Variants in DDX21 observed in about 807,000 individuals in gnomAD.
DDX21 encodes DExD-box helicase 21, also known as nucleolar RNA helicase 2.
Under a neutral mutation model 90.0 loss-of-function variants are expected in DDX21, and 18 were observed. The observed-to-expected ratio is 0.20, with a 90% CI of 0.14 to 0.30. The LOEUF is 0.30. Ranked by LOEUF, DDX21 falls within the 10% of genes least tolerant of loss-of-function variation. The pLI is 1.00. For missense variants in DDX21, 673 were observed against 944.5 expected (o/e 0.71, Z 3.77); for synonymous variants, 294 against 318.0 (o/e 0.92, Z 0.80).
chr10:68,958,724 A>G (rs1157456219), intron 1 of DDX21, among the ~76,000 whole-genome samples: 1 of 152,166 alleles, frequency 6.6e-6, no homozygotes, highest in Non-Finnish European at 1.5e-5. Flanking sequence ...GGCATGAGCC[A>G]CCGCGCCCAG....
intron 10 of DDX21, 44 bp from the exon 11 acceptor site, chr10:68,974,626 A>G: frequency 3.9e-6 from 6 of 1,534,028 alleles, no homozygotes; most frequent in Admixed American, 1.7e-5. Flanking sequence ...ATTGGAAACA[A>G]TTGATGGCCA....
At chr10:68,964,932 C>T (rs906981290) in intron 4 of DDX21, among the ~76,000 whole-genome samples, 2 of 152,122 alleles carry the variant, frequency 1.3e-5, no homozygotes, top group Non-Finnish European at 2.9e-5. Context: ...TGAGCCATTG[C>T]GCCTGGCCAG....
At chr10:68,968,856 C>T in intron 6 of DDX21, 120 bp from the exon 7 acceptor site, 1 of 1,156,880 alleles carries the variant, frequency 8.6e-7, no homozygotes. Flanking sequence ...CAGTGCCCGA[C>T]TTGGCCTCAG....
intron 7 of DDX21, 103 bp from the exon 8 acceptor site, chr10:68,970,098 C>T: frequency 8.7e-7 from 1 of 1,147,046 alleles, no homozygotes; most frequent in South Asian, 1.7e-5. Flanking sequence ...TTTCCAGGAG[C>T]AAGACATTAG....
intron 3 of DDX21, among the ~76,000 whole-genome samples, chr10:68,962,447 C>G (rs947863293): frequency 1.3e-4 from 20 of 152,070 alleles, no homozygotes; most frequent in African/African-American, 4.8e-4. Flanking sequence ...GAACCTGTCC[C>G]GACAAAAAGT....
At chr10:68,965,555 G>T (rs1011614011) in intron 5 of DDX21, 61 bp downstream of exon 5, 2 of 1,255,278 alleles carry the variant, frequency 1.6e-6, no homozygotes, top group Non-Finnish European at 2.3e-6. Flanking sequence ...GCTCTGATTG[G>T]ATTTCTTTTC....
At chr10:68,959,609 G>A (rs1842846321) in intron 1 of DDX21, among the ~76,000 whole-genome samples, 197 bp from the exon 2 acceptor site, 1 of 152,182 alleles carries the variant, frequency 6.6e-6, no homozygotes, top group Admixed American at 6.5e-5. Flanking sequence ...TATATATATA[G>A]CTAAGAAGCG....
At chr10:68,961,501 T>G (rs1393551581) in intron 2 of DDX21, among the ~76,000 whole-genome samples, 1 of 152,230 alleles carries the variant, frequency 6.6e-6, no homozygotes, top group Non-Finnish European at 1.5e-5. Flanking sequence ...TTAATCAGAT[T>G]AGGATTGTAC....
At chr10:68,959,717 T>C in intron 1 of DDX21, 89 bp from the exon 2 acceptor site, 1 of 1,007,934 alleles carries the variant, frequency 9.9e-7, no homozygotes, top group Non-Finnish European at 1.4e-6. Context: ...AAGTTGAAAA[T>C]GATCTTGAAA....
chr10:68,970,879 C>T (rs1262112769), intron 8 of DDX21, among the ~76,000 whole-genome samples: 3 of 151,516 alleles, frequency 2.0e-5, no homozygotes, highest in Non-Finnish European at 2.9e-5. Context: ...TCTCGAACTC[C>T]TGACCTCAAG....
At position 68,983,532 on chromosome 10, in the gene DDX21, A is replaced by G. The variant is rs1400019011; in HGVS notation, c.*720A>G. 1 of 152,106 alleles carries G rather than the reference A, an allele frequency of 6.6e-6. No individual in the cohort carries two copies. Among genetic ancestry groups the G allele is most frequent in the African/African-American group, 2.4e-5 (1 of 41,416 alleles). The allele number at this position is 152,106 out of a possible 1,614,324, so 9.4% of individuals were successfully genotyped here. On this transcript the variant is annotated 3_prime_UTR_variant, in exon 15 of 15. Coordinates refer to ENST00000354185, the MANE Select transcript of DDX21 (RefSeq NM_004728.4). The stretch of plus-strand genomic sequence containing the variant: ...TTAATAGAAAGCCAGGGTTTTAAGG[A>G]ATTTCACATGTATAAGGTGGCTCCA...
intron 7 of DDX21, 22 bp from the exon 8 acceptor site, chr10:68,970,179 G>GT (rs1589286214): frequency 1.9e-5 from 30 of 1,591,962 alleles, no homozygotes; most frequent in South Asian, 1.7e-4. Flanking sequence ...CTAAATAGAT[G>GT]TTTTTTTTCT....
intron 1 of DDX21, among the ~76,000 whole-genome samples, chr10:68,959,107 T>C (rs190758271): frequency 6.6e-6 from 1 of 152,322 alleles, no homozygotes; most frequent in Admixed American, 6.5e-5. Context: ...GTAGATACAT[T>C]TGCCTTATTC....
At chr10:68,961,802 T>G (rs1369481327) in intron 2 of DDX21, among the ~76,000 whole-genome samples, 1 of 152,226 alleles carries the variant, frequency 6.6e-6, no homozygotes, top group African/African-American at 2.4e-5. Flanking sequence ...TGAGATCTAG[T>G]CACACATAAT....
chr10:68,977,743 A>C, intron 12 of DDX21, 55 bp downstream of exon 12: 1 of 1,498,812 alleles, frequency 6.7e-7, no homozygotes, highest in East Asian at 2.3e-5. Flanking sequence ...TGAGCAGGAT[A>C]TGAAAGGGTT....
chr10:68,963,685 C>T (rs1245643066), intron 4 of DDX21, among the ~76,000 whole-genome samples: 1 of 151,918 alleles, frequency 6.6e-6, no homozygotes, highest in African/African-American at 2.4e-5. Context: ...TAATCTTTCC[C>T]ACAGTTTTGA....
intron 11 of DDX21, among the ~76,000 whole-genome samples, chr10:68,975,142 G>T (rs998909106): frequency 1.3e-5 from 2 of 152,172 alleles, no homozygotes; most frequent in African/African-American, 4.8e-5. Context: ...AATATCTTAG[G>T]TATAGTATAG....
chr10:68,967,005 T>C lies in DDX21; in HGVS notation c.905-13T>C. 2 of 1,601,844 alleles carry C rather than the reference T, an allele frequency of 1.2e-6. No individual in the cohort carries two copies. The highest frequency in any genetic ancestry group is 1.7e-6 in the Non-Finnish European group (2 of 1,171,920). ...ACTAAAAACCCAGCAAATCTTGTCA[T>C]TGTTTTTTATAGTTGAACGCATGAG... On this transcript the variant is annotated splice_polypyrimidine_tract_variant and intron_variant, in intron 5 of 14. Coordinates refer to ENST00000354185, the MANE Select transcript of DDX21 (RefSeq NM_004728.4).
chr10:68,962,043 G>A (rs765485903), intron 2 of DDX21, 39 bp from the exon 3 acceptor site: 1 of 1,472,338 alleles, frequency 6.8e-7, no homozygotes, highest in Non-Finnish European at 9.4e-7. Context: ...ATTTGTGTAG[G>A]TGATTATTGA....
Sources: allele counts gnomAD v4.1 joint callset (sites outside exome capture counted in the v4.1 genomes callset), GRCh38; gene constraint gnomAD v4.1.1; transcripts MANE v1.5; gene names NCBI Gene and HGNC (gene_info 2026-07-23, HGNC 2026-07-21).